The following HNRNPU variants were observed in gnomAD, a reference collection of about 807,000 sequenced individuals.
HNRNPU encodes heterogeneous nuclear ribonucleoprotein U.
HNRNPU carries 5 observed loss-of-function variants against 94.7 expected under a neutral mutation model. The observed-to-expected ratio is 0.05, with a 90% confidence interval of 0.03 to 0.11. The LOEUF is 0.11. Among genes scored for constraint, HNRNPU ranks in the 10% least tolerant of loss-of-function variants. The pLI is 1.00. For missense variants in HNRNPU, 710 were observed against 1,049.2 expected, an observed-to-expected ratio of 0.68 and a Z score of 4.47; for synonymous variants, 434 against 381.6, an observed-to-expected ratio of 1.14 and a Z score of -1.60.
At chr1:244,860,265 C>T (rs1680792473) in intron 4 of HNRNPU, 70 bp downstream of exon 4, 3 of 1,416,166 alleles carry the variant, frequency 2.1e-6, no homozygotes, top group Non-Finnish European at 2.9e-6. Flanking sequence ...CGCACCACGG[C>T]AATCCAGCCT....
At chr1:244,863,420 A>ACACACACACG (rs555181156) in intron 1 of HNRNPU, among the ~76,000 whole-genome samples, 197 bp downstream of exon 1, 11 of 138,796 alleles carry the variant, frequency 7.9e-5, no homozygotes, top group East Asian at 2.3e-4. Flanking sequence ...ACACACACAC[A>ACACACACACG]CGCGCGCGCG....
chr1:244,863,188 G>C (rs1479333619), intron 1 of HNRNPU: 1 of 162,388 alleles, frequency 6.2e-6, no homozygotes, highest in Non-Finnish European at 1.3e-5. Context: ...ACAGCGGCGA[G>C]GAGCCGCCAA....
In HNRNPU at chr1:244,864,155, G is replaced by A; in HGVS notation, c.153C>T (p.Pro51=). 1 of 1,605,080 alleles carries A rather than the reference G, an allele frequency of 6.2e-7. No homozygotes were observed. Among genetic ancestry groups the A allele is most frequent in the Non-Finnish European group, 8.5e-7 (1 of 1,176,268 alleles). Residue 51 remains proline (P), a synonymous_variant, in exon 1 of 14, where the codon CCC becomes CCT. Transcript: ENST00000640218. ...ALDDEEAGGR[P]AMEPGNGSLD... ...GGCTGCCGTTCCCGGGCTCCATGGC[G>A]GGGCGGCCCCCGGCCTCCTCGTCGT...
chr1:244,856,299 G>C (rs905453475), intron 10 of HNRNPU, 141 bp from the exon 11 acceptor site: 14 of 1,137,766 alleles, frequency 1.2e-5, no homozygotes, highest in Non-Finnish European at 1.6e-5. Context: ...TGTAACAACT[G>C]CAATTTTAAT....
intron 1 of HNRNPU, among the ~76,000 whole-genome samples, 163 bp downstream of exon 1, chr1:244,863,448 CCCGAGG>C (rs1189276473): frequency 6.6e-6 from 1 of 150,838 alleles, no homozygotes; most frequent in Non-Finnish European, 1.5e-5. Context: ...ACGCCCCGAG[CCCGAGG>C]CCTCTCGGCT....
intron 9 of HNRNPU, 30 bp from the exon 10 acceptor site, chr1:244,856,655 C>T (rs200393368): frequency 1.1e-5 from 18 of 1,610,424 alleles, no homozygotes; most frequent in Admixed American, 3.4e-5. Context: ...TGTTTACAAC[C>T]CTAAACATTA....
At chr1:244,858,983 CTG>C (rs1680753802) in intron 5 of HNRNPU, 142 bp from the exon 6 acceptor site, 2 of 600,688 alleles carry the variant, frequency 3.3e-6, no homozygotes, top group Non-Finnish European at 5.8e-6. Context: ...TTTTCTATCT[CTG>C]TACCAGAATT....
At chr1:244,856,693 A>G in intron 9 of HNRNPU, 35 bp downstream of exon 9, 1 of 1,605,062 alleles carries the variant, frequency 6.2e-7, no homozygotes, top group Non-Finnish European at 8.5e-7. Context: ...CTAAATTATC[A>G]GTTAATATTT....
At chr1:244,862,574 A>T in intron 2 of HNRNPU, 40 bp from the exon 3 acceptor site, 1 of 1,609,414 alleles carries the variant, frequency 6.2e-7, no homozygotes, top group Non-Finnish European at 8.5e-7. Flanking sequence ...CTTTCCGATC[A>T]ACGAACGAAT....
At chr1:244,861,610 A>G (rs1680831316) in intron 3 of HNRNPU, 1 of 152,200 alleles carries the variant, frequency 6.6e-6, no homozygotes, top group Non-Finnish European at 1.5e-5. Flanking sequence ...CTAAGCTCCA[A>G]TGCCTTCCAT....
chr1:244,851,506 T>C lies in HNRNPU; in HGVS notation c.*2944A>G, dbSNP rs1281328836. On this transcript the variant is annotated 3_prime_UTR_variant, in exon 14 of 14. Transcript: ENST00000640218. ...TATAAAATCCCCAGGTGAAAGTCCC[T>C]TAAAACACTATTATGGTTATGTTTC... 1.3e-5 allele frequency: 2 copies of C among 152,346 alleles called. No individual in the cohort carries two copies. Among genetic ancestry groups the C allele is most frequent in the East Asian group, 3.9e-4 (2 of 5,188 alleles). The allele number at this position is 152,346 out of a possible 1,614,324, so 9.4% of individuals were successfully genotyped here. A position where few individuals can be genotyped will look rare whatever the true frequency, so the allele number is the denominator to read the frequency against.
intron 8 of HNRNPU, chr1:244,857,313 T>A (rs1362482305): frequency 3.3e-6 from 1 of 300,638 alleles, no homozygotes; most frequent in Non-Finnish European, 6.1e-6. Flanking sequence ...TGGCACGATC[T>A]CAACTCACTG....
intron 2 of HNRNPU, 22 bp from the exon 3 acceptor site, chr1:244,862,556 T>C (rs1249049020): frequency 6.2e-7 from 1 of 1,611,656 alleles, no homozygotes; most frequent in Non-Finnish European, 8.5e-7. Flanking sequence ...AATTGTCTCC[T>C]GATACAGCTT....
Position 244,860,495 on chromosome 1 carries a change from G to A in HNRNPU, c.878-21C>T, listed in dbSNP as rs749135619. 5 of 1,576,450 alleles carry A rather than the reference G, an allele frequency of 3.2e-6. No homozygotes were observed. In the South Asian group the frequency reaches 5.6e-5, roughly 18 times the overall value. On this transcript the variant is annotated intron_variant, in intron 3 of 13. Transcript: ENST00000640218. Reference sequence around the variant, plus strand: ...ATTATCTGTAATTATATCAAATACTGTGTTACTTTTGACATCCAATGTAAA... The same window carrying A: ...ATTATCTGTAATTATATCAAATACTATGTTACTTTTGACATCCAATGTAAA...
At chr1:244,862,978 C>A in intron 1 of HNRNPU, 1 of 538,372 alleles carries the variant, frequency 1.9e-6, no homozygotes, top group South Asian at 2.2e-5. Flanking sequence ...ACTGCGCGGC[C>A]CAGGCCCGAA....
In HNRNPU at chr1:244,855,024, G is replaced by C; in HGVS notation, c.2373C>G (p.Asn791Lys). 1 of 1,613,600 alleles carries C rather than the reference G, an allele frequency of 6.2e-7. No homozygotes were observed. The highest frequency in any genetic ancestry group is 8.5e-7 in the Non-Finnish European group (1 of 1,179,566). ...NYNQNFRGRG[N>K]NRGYKNQSQG... is the part of the protein sequence containing the mutation. ...GAGATTGATTTTTGTAGCCACGATT[G>C]TTTCCTCGTCCTCTGAAGTTCTACA... The change falls in exon 13 of 14, where the codon AAC (asparagine) becomes AAG (lysine). Residue 791 changes from asparagine to lysine, a missense_variant. Coordinates refer to ENST00000640218, the MANE Select transcript of HNRNPU (RefSeq NM_031844.3).
chr1:244,859,455 G>T, intron 4 of HNRNPU, 81 bp from the exon 5 acceptor site: 1 of 686,480 alleles, frequency 1.5e-6, no homozygotes, highest in Non-Finnish European at 2.6e-6. Context: ...ATTGCGCCAC[G>T]GGCTAATCTT....
chr1:244,862,513 A>T lies in HNRNPU; in HGVS notation c.825T>A (p.Pro275=), dbSNP rs369175349. ...CGAAGTGTTCATCTTCTTCTTCAAC[A>T]GGTGGCTGAGGAGATTTGGCTCTGA... ...KYSRAKSPQP[P]VEEEDEHFDD... The change falls in exon 3 of 14, where the codon CCT becomes CCA. Residue 275 remains proline (P), a synonymous_variant. Transcript: ENST00000640218. 6.2e-7 allele frequency: 1 copy of T among 1,614,078 alleles called. No homozygotes were observed. The highest frequency in any genetic ancestry group is 8.5e-7 in the Non-Finnish European group (1 of 1,179,918).
Position 244,853,360 on chromosome 1 carries a change from C to T in HNRNPU, c.*1090G>A, listed in dbSNP as rs896908261. ...GGAGTTATATAAAGGGATTTTGAAC[C>T]TTGATGGCGAGAATCCCAAAACAAG... On this transcript the variant is annotated 3_prime_UTR_variant, in exon 14 of 14. Coordinates refer to ENST00000640218, the MANE Select transcript of HNRNPU (RefSeq NM_031844.3). The T allele has an allele frequency of 2.0e-5, 3 of 152,482 alleles. No individual in the cohort carries two copies. The allele number at this position is 152,482 out of a possible 1,614,324, so 9.4% of individuals were successfully genotyped here.
Sources: allele counts gnomAD v4.1 joint callset (sites outside exome capture counted in the v4.1 genomes callset), GRCh38; gene constraint gnomAD v4.1.1; transcripts MANE v1.5; gene names NCBI Gene and HGNC (gene_info 2026-07-23, HGNC 2026-07-21).